The following KANSL1L variants were observed in gnomAD, a reference collection of about 807,000 sequenced individuals.
The protein encoded by KANSL1L is KAT8 regulatory NSL complex subunit 1-like protein.
KANSL1L carries 25 observed loss-of-function variants against 108.6 expected under a neutral mutation model. That is an observed-to-expected ratio of 0.23 (90% confidence interval 0.17 to 0.32). The LOEUF is 0.32. KANSL1L is among the 10% of genes least tolerant of loss of function. The pLI is 1.00. For synonymous variants in KANSL1L, 405 were observed against 395.1 expected (o/e 1.03, Z -0.30); for missense variants, 1,137 against 1,125.7 (o/e 1.01, Z -0.14).
intron 7 of KANSL1L, among the ~76,000 whole-genome samples, chr2:210,042,367 A>G (rs2094174375): frequency 6.6e-6 from 1 of 152,216 alleles, no homozygotes; most frequent in African/African-American, 2.4e-5. Context: ...GAAATAGTAG[A>G]TAAACAATCT....
At chr2:210,066,739 G>A (rs1482605559) in intron 6 of KANSL1L, among the ~76,000 whole-genome samples, 1 of 152,170 alleles carries the variant, frequency 6.6e-6, no homozygotes, top group Admixed American at 6.6e-5. Flanking sequence ...TGTTTTATCA[G>A]TAGTCCATCC....
At chr2:210,162,242 A>ATG (rs1553684638) in intron 1 of KANSL1L, among the ~76,000 whole-genome samples, 44 of 142,158 alleles carry the variant, frequency 3.1e-4, no homozygotes, top group African/African-American at 9.1e-4. Flanking sequence ...ATATATATAT[A>ATG]TGTATATCAA....
intron 5 of KANSL1L, among the ~76,000 whole-genome samples, chr2:210,082,122 A>C (rs2094595371): frequency 6.6e-6 from 1 of 152,154 alleles, no homozygotes; most frequent in Admixed American, 6.5e-5. Flanking sequence ...CCATACAGAC[A>C]GAGTCTCGTC....
chr2:210,079,866 C>A (rs565215978), intron 5 of KANSL1L: 1 of 147,320 alleles, frequency 6.8e-6, no homozygotes, highest in Non-Finnish European at 1.5e-5. Context: ...TAGTTTAGAT[C>A]CTTTGGGTTG....
intron 2 of KANSL1L, among the ~76,000 whole-genome samples, chr2:210,138,870 A>C (rs1268194561): frequency 6.6e-6 from 1 of 152,078 alleles, no homozygotes; most frequent in African/African-American, 2.4e-5. Context: ...AGGCTGAGGC[A>C]GATGGATCAC....
intron 10 of KANSL1L, among the ~76,000 whole-genome samples, chr2:210,029,473 CAAAA>C (rs1266505598): frequency 2.6e-5 from 4 of 151,684 alleles, no homozygotes; most frequent in African/African-American, 7.3e-5. Context: ...AACAAACAAA[CAAAA>C]AACAGGACAA....
At chr2:210,083,458 C>T (rs765148311) in intron 5 of KANSL1L, among the ~76,000 whole-genome samples, 1 of 152,110 alleles carries the variant, frequency 6.6e-6, no homozygotes, top group Non-Finnish European at 1.5e-5. Flanking sequence ...AGGCAGCAAC[C>T]TTTTCCATAC....
intron 5 of KANSL1L, chr2:210,096,866 A>G: frequency 1.5e-6 from 1 of 672,156 alleles, no homozygotes; most frequent in Non-Finnish European, 1.8e-6. Flanking sequence ...ATAAAATAGT[A>G]AAAGTATTAA....
At chr2:210,122,636 T>C (rs1422631523) in intron 3 of KANSL1L, among the ~76,000 whole-genome samples, 1 of 152,028 alleles carries the variant, frequency 6.6e-6, no homozygotes, top group Non-Finnish European at 1.5e-5. Context: ...TCTTAAGTAA[T>C]ACCCCACAAG....
chr2:210,160,913 G>C (rs907590581), intron 1 of KANSL1L, among the ~76,000 whole-genome samples: 1 of 151,596 alleles, frequency 6.6e-6, no homozygotes, highest in African/African-American at 2.4e-5. Context: ...AGACAGTGTG[G>C]CATTAGCAAA....
intron 3 of KANSL1L, among the ~76,000 whole-genome samples, chr2:210,109,776 A>G (rs2094886753): frequency 6.6e-6 from 1 of 151,862 alleles, no homozygotes; most frequent in Admixed American, 6.6e-5. Context: ...TCTTTCTTTT[A>G]TATTACCTTC....
At chr2:210,110,311 A>C (rs1344395289) in intron 3 of KANSL1L, among the ~76,000 whole-genome samples, 4 of 152,178 alleles carry the variant, frequency 2.6e-5, no homozygotes, top group Non-Finnish European at 5.9e-5. Flanking sequence ...CCTTAGTCTG[A>C]TATTTAGCTC....
At chr2:210,090,268 G>T (rs1473648088) in intron 5 of KANSL1L, among the ~76,000 whole-genome samples, 1 of 151,864 alleles carries the variant, frequency 6.6e-6, no homozygotes, top group Non-Finnish European at 1.5e-5. Context: ...CCAATATCTG[G>T]TATGCTTACT....
chr2:210,058,715 T>C (rs2094385192), intron 6 of KANSL1L, among the ~76,000 whole-genome samples: 1 of 151,756 alleles, frequency 6.6e-6, no homozygotes, highest in Non-Finnish European at 1.5e-5. Context: ...CGGGCGCCTG[T>C]AGTCCCAGCT....
chr2:210,104,307 C>CA lies in KANSL1L; in HGVS notation c.1231-7dup, dbSNP rs540744551. The CA allele has an allele frequency of 1.1e-5, 17 of 1,604,788 alleles. No individual in the cohort carries two copies. The highest frequency in any genetic ancestry group is 8.5e-6 in the Non-Finnish European group (10 of 1,173,122). On this transcript the variant is annotated splice_polypyrimidine_tract_variant and splice_region_variant and intron_variant, in intron 3 of 14. Coordinates refer to ENST00000281772, the MANE Select transcript of KANSL1L (RefSeq NM_152519.4). Reference sequence around the variant, plus strand: ...TCTTCTAGGACCACTATCCCCTAGACAAAAAACAATGAGAAAGTTGAAATG... The same window carrying CA: ...TCTTCTAGGACCACTATCCCCTAGACAAAAAAACAATGAGAAAGTTGAAATG...
intron 6 of KANSL1L, among the ~76,000 whole-genome samples, chr2:210,049,135 C>T (rs888974294): frequency 2.6e-5 from 4 of 152,152 alleles, no homozygotes; most frequent in Admixed American, 6.5e-5. Flanking sequence ...TAAAATGACT[C>T]CTCACATCTT....
chr2:210,133,812 T>C (rs1427045693), intron 2 of KANSL1L, among the ~76,000 whole-genome samples: 1 of 152,152 alleles, frequency 6.6e-6, no homozygotes, highest in Non-Finnish European at 1.5e-5. Context: ...CACGAGTTAT[T>C]TGGAAATGTG....
At chr2:210,144,276 A>G (rs1230044779) in intron 2 of KANSL1L, among the ~76,000 whole-genome samples, 4 of 152,174 alleles carry the variant, frequency 2.6e-5, no homozygotes, top group South Asian at 2.1e-4. Context: ...CAGTTTGACT[A>G]TAATATGTTG....
At chr2:210,030,099 A>G (rs2093994118) in intron 9 of KANSL1L, among the ~76,000 whole-genome samples, 181 bp from the exon 10 acceptor site, 2 of 152,036 alleles carry the variant, frequency 1.3e-5, no homozygotes, top group Admixed American at 1.3e-4. Context: ...TCATGCCACA[A>G]GTTATTTCCA....
Sources: allele counts gnomAD v4.1 joint callset (sites outside exome capture counted in the v4.1 genomes callset), GRCh38; gene constraint gnomAD v4.1.1; transcripts MANE v1.5; gene names NCBI Gene and HGNC (gene_info 2026-07-23, HGNC 2026-07-21).